TOPAZ1: variants seen among roughly 807,000 people sequenced by gnomAD.
TOPAZ1 encodes the protein protein TOPAZ1.
TOPAZ1 carries 66 observed loss-of-function variants against 172.2 expected under a neutral mutation model. That is an observed-to-expected ratio of 0.38 (90% CI 0.31 to 0.47). The LOEUF (loss-of-function observed/expected upper bound fraction) is 0.47. Among genes scored for constraint, TOPAZ1 ranks in the 20% least tolerant of loss-of-function variants. The pLI, the probability that TOPAZ1 is intolerant of heterozygous loss-of-function variation, is 0.99. For synonymous variants in TOPAZ1, 681 were observed against 683.9 expected (o/e 1.00, Z 0.07); for missense variants, 1,822 against 1,972.4 (o/e 0.92, Z 1.44).
chr3:44,275,764 A>C (rs1352629230), intron 8 of TOPAZ1, among the ~76,000 whole-genome samples: 1 of 152,038 alleles, frequency 6.6e-6, no homozygotes, highest in African/African-American at 2.4e-5. Context: ...TAGTTTTTTA[A>C]GAAATCTCCA....
chr3:44,278,537 A>G (rs181606355), intron 8 of TOPAZ1, among the ~76,000 whole-genome samples: 4 of 152,148 alleles, frequency 2.6e-5, no homozygotes, highest in Non-Finnish European at 5.9e-5. Context: ...GGTCTGTTCA[A>G]GTTTTCTGTT....
Position 44,304,016 on chromosome 3 carries a change from T to G in TOPAZ1, c.3799T>G (p.Leu1267Val). ...ATTAACTCTTTTCTTTTGTTAAAGGTTACAGATGAGACGATTTAAAAAGAA... is the reference window on the plus strand; with the variant it reads ...ATTAACTCTTTTCTTTTGTTAAAGGGTACAGATGAGACGATTTAAAAAGAA... ...ITAVLEMKSR[L>V]QMRRFKKNWK... Residue 1267 changes from leucine to valine, a missense_variant and splice_region_variant, in exon 13 of 20, where the codon TTA becomes GTA. Leu to Val is a conservative substitution (Grantham distance 32, BLOSUM62 1). Transcript: ENST00000309765. 6.5e-7 allele frequency: 1 copy of G among 1,531,194 alleles called. No individual in the cohort carries two copies. The highest frequency in any genetic ancestry group is 2.0e-5 in the Admixed American group (1 of 50,256). 94.9% of individuals were successfully genotyped at this position (1,531,194 alleles called of 1,614,324 possible).
At position 44,258,396 on chromosome 3, in the gene TOPAZ1, G is replaced by A. The variant is rs113845154; in HGVS notation, c.2955+2118G>A. ...GATCAAGATATTACAGAACATTTCCGTCACCACGTGGATCCCTCATGTTGC... is the reference window on the plus strand; with the variant it reads ...GATCAAGATATTACAGAACATTTCCATCACCACGTGGATCCCTCATGTTGC... On this transcript the variant is annotated intron_variant, in intron 4 of 19. Coordinates refer to ENST00000309765, the MANE Select transcript of TOPAZ1 (RefSeq NM_001145030.2). Among the ~76,000 whole-genome samples, 642 of 152,170 alleles carry A rather than the reference G, an allele frequency of 4.2e-3. 10 individuals are homozygous for A. The highest frequency in any genetic ancestry group is 0.015 in the African/African-American group (610 of 41,512).
At chr3:44,310,049 C>G (rs1284430983) in intron 16 of TOPAZ1, 59 bp downstream of exon 16, 19 of 1,428,736 alleles carry the variant, frequency 1.3e-5, no homozygotes, top group Non-Finnish European at 1.8e-5. Context: ...GCATTTTTGT[C>G]TATGTAATTA....
intron 2 of TOPAZ1, among the ~76,000 whole-genome samples, chr3:44,248,838 CTT>C (rs1351968024): frequency 6.6e-6 from 1 of 152,128 alleles, no homozygotes; most frequent in East Asian, 1.9e-4. Flanking sequence ...AGTAGACAAA[CTT>C]GAGCTGACTT....
Position 44,245,106 on chromosome 3 carries a change from T to C in TOPAZ1, c.2600T>C (p.Ile867Thr). 1 of 1,551,978 alleles carries C rather than the reference T, an allele frequency of 6.4e-7. No homozygotes were observed. The highest frequency in any genetic ancestry group is 1.2e-5 in the South Asian group (1 of 84,050). Residue 867 changes from isoleucine to threonine, a missense_variant, in exon 2 of 20, where the codon ATT (isoleucine) becomes ACT (threonine). Transcript: ENST00000309765. ...GATGACGTCCTCTTAATTGATGTAA[T>C]TCAAGATGACCCAGACCTCTTTGGA... ...YEDDVLLIDV[I>T]QDDPDLFGVS...
At chr3:44,296,750 G>A (rs6780605) in intron 12 of TOPAZ1, among the ~76,000 whole-genome samples, 72,133 of 150,236 alleles carry the variant, frequency 0.48, 18,090 homozygotes, top group East Asian at 0.81. Context: ...AATCAGCATG[G>A]ATTTACACGA....
In TOPAZ1 at chr3:44,242,989, T is replaced by C; in HGVS notation, c.483T>C (p.Ser161=). ...VECLQSLGKE[S]IIEGIKRRIR... ...GCTTGCAGTCTTTGGGTAAGGAAAG[T>C]ATAATAGAAGGTATTAAAAGAAGAA... The change falls in exon 2 of 20, where the codon AGT becomes AGC. Residue 161 remains serine, a synonymous_variant. Coordinates refer to ENST00000309765, the MANE Select transcript of TOPAZ1 (RefSeq NM_001145030.2). The C allele has an allele frequency of 6.5e-7, 1 of 1,550,116 alleles. No individual in the cohort carries two copies. The highest frequency in any genetic ancestry group is 8.7e-7 in the Non-Finnish European group (1 of 1,146,610).
At chr3:44,330,349 A>G (rs1027189689) in intron 19 of TOPAZ1, among the ~76,000 whole-genome samples, 1 of 152,234 alleles carries the variant, frequency 6.6e-6, no homozygotes. Flanking sequence ...ATTTGTAACC[A>G]TAGTGCATAA....
chr3:44,250,741 T>C (rs375616379), intron 2 of TOPAZ1, among the ~76,000 whole-genome samples: 1 of 152,198 alleles, frequency 6.6e-6, no homozygotes, highest in East Asian at 1.9e-4. Context: ...GTCCCTTTCT[T>C]CTCATCTCTG....
rs897875922 is a variant in TOPAZ1 at position 44,242,134 on chromosome 3, G to T, written c.81G>T (p.Ala27=). 6.5e-7 allele frequency: 1 copy of T among 1,548,878 alleles called. No homozygotes were observed. Among genetic ancestry groups the T allele is most frequent in the African/African-American group, 1.4e-5 (1 of 73,002 alleles). ...GNVRNLQKRQ[A]PGPGAAGGCG... is the part of the protein sequence containing the mutation. ...TGCGAAACCTGCAGAAGCGGCAGGCGCCAGGGCCAGGCGCGGCGGGAGGCT... is the reference window on the plus strand; with the variant it reads ...TGCGAAACCTGCAGAAGCGGCAGGCTCCAGGGCCAGGCGCGGCGGGAGGCT... The change falls in exon 1 of 20, where the codon GCG becomes GCT. Residue 27 remains alanine (A), a synonymous_variant. Coordinates refer to ENST00000309765, the MANE Select transcript of TOPAZ1 (RefSeq NM_001145030.2).
At chr3:44,268,198 A>G (rs901228495) in intron 6 of TOPAZ1, among the ~76,000 whole-genome samples, 1 of 151,912 alleles carries the variant, frequency 6.6e-6, no homozygotes, top group African/African-American at 2.4e-5. Context: ...CAAACAACAG[A>G]AATTTATTTT....
intron 5 of TOPAZ1, among the ~76,000 whole-genome samples, chr3:44,265,320 G>A (rs928350211): frequency 4.6e-5 from 7 of 152,148 alleles, no homozygotes; most frequent in Admixed American, 2.0e-4. Flanking sequence ...CCAGCACTTC[G>A]GGAGGCCAAG....
At chr3:44,272,846 A>G (rs1699912829) in intron 8 of TOPAZ1, among the ~76,000 whole-genome samples, 1 of 152,216 alleles carries the variant, frequency 6.6e-6, no homozygotes, top group African/African-American at 2.4e-5. Context: ...GGCATGAGCC[A>G]CTGCACGCAG....
At chr3:44,327,219 A>G (rs73088497) in intron 18 of TOPAZ1, among the ~76,000 whole-genome samples, 53,405 of 152,170 alleles carry the variant, frequency 0.35, 10,246 homozygotes, top group African/African-American at 0.47. Context: ...TACATGGCAC[A>G]TAGCAGGTCT....
intron 12 of TOPAZ1, among the ~76,000 whole-genome samples, chr3:44,296,865 G>GAAAAAA (rs1164667443): frequency 6.8e-5 from 6 of 87,732 alleles, no homozygotes; most frequent in South Asian, 7.2e-4. Flanking sequence ...AAAAAAAAAA[G>GAAAAAA]AAAAAAAAAA....
intron 16 of TOPAZ1, among the ~76,000 whole-genome samples, chr3:44,318,179 G>A (rs1700470972): frequency 6.6e-6 from 1 of 152,096 alleles, no homozygotes; most frequent in African/African-American, 2.4e-5. Flanking sequence ...CGGGCATGGT[G>A]GCTCACGCCT....
chr3:44,294,032 G>A (rs1206084501), intron 12 of TOPAZ1, among the ~76,000 whole-genome samples: 2 of 152,168 alleles, frequency 1.3e-5, no homozygotes, highest in African/African-American at 2.4e-5. Flanking sequence ...CCTGAGGTTG[G>A]GAGTTTGAGA....
At chr3:44,332,166 T>C (rs1318845101), downstream of TOPAZ1, 1 of 581,376 alleles carries the variant, frequency 1.7e-6, no homozygotes. Context: ...TTTATTGATA[T>C]GTAATTTTCA....
Sources: gnomAD v4.1 joint callset for allele counts (sites outside exome capture counted in the v4.1 genomes callset) on GRCh38, gnomAD v4.1.1 for gene constraint, MANE v1.5 for transcripts, NCBI Gene and HGNC (gene_info 2026-07-23, HGNC 2026-07-21) for gene names.